Variants in STK32A observed in about 807,000 individuals in gnomAD.
The protein encoded by STK32A is serine/threonine kinase 32A.
In STK32A, 41 loss-of-function variants were observed where a neutral mutation model predicts 53.2. The ratio of observed to expected loss-of-function variants is 0.77; its 90% CI spans 0.60 to 1.00. The LOEUF is 1.00. STK32A is among the 50% of genes least tolerant of loss of function. The pLI, the probability that STK32A is intolerant of heterozygous loss-of-function variation, is 0.00. For synonymous variants in STK32A, 166 were observed against 162.8 expected (o/e 1.02, Z -0.15); for missense variants, 458 against 485.8 (o/e 0.94, Z 0.54).
chr5:147,372,269 C>CTTTTTTTTTTT lies in STK32A; in HGVS notation c.778-880_778-870dup, dbSNP rs71274369. ...GGGGCCCAAGAGGAATGGGCTTGGC[C>CTTTTTTTTTTT]TTTTTTTTTTTTTTTTTTTTTTTTT... On this transcript the variant is annotated intron_variant, in intron 9 of 12. Transcript: ENST00000397936. 2.0e-3 allele frequency among the ~76,000 whole-genome samples: 98 copies of CTTTTTTTTTTT among 49,352 alleles called. 15 individuals carry two copies. In the East Asian group the frequency reaches 0.041, roughly 21 times the overall value. 32.4% of individuals were successfully genotyped at this position (49,352 alleles called of 152,430 possible).
intron 4 of STK32A, among the ~76,000 whole-genome samples, chr5:147,292,868 A>G (rs1476903831): frequency 2.0e-5 from 3 of 152,208 alleles, no homozygotes; most frequent in Non-Finnish European, 2.9e-5. Flanking sequence ...TCTCAAAAAA[A>G]AAAAGAAAAA....
chr5:147,337,929 G>A lies in STK32A; in HGVS notation c.435-5077G>A, dbSNP rs149986761. 6.8e-4 allele frequency among the ~76,000 whole-genome samples: 104 copies of A among 152,274 alleles called. 1 individual carries two copies. The highest frequency in any genetic ancestry group is 2.5e-3 in the African/African-American group (102 of 41,550). On this transcript the variant is annotated intron_variant, in intron 5 of 12. Transcript: ENST00000397936. ...ATGAAAAGGAGATGATTAAGGAAGT[G>A]AGAATAAGGAAACTATTGGTGTGGG...
At position 147,383,480 on chromosome 5, in the gene STK32A, G is replaced by A; in HGVS notation, c.1072G>A (p.Glu358Lys). The change falls in exon 12 of 13, where the codon GAG (glutamate) becomes AAG (lysine). Residue 358 changes from glutamate to lysine, a missense_variant. Glu to Lys is a moderately conservative substitution (Grantham distance 56, BLOSUM62 1). Coordinates refer to ENST00000397936, the MANE Select transcript of STK32A (RefSeq NM_001112724.2). ...AGAGCACCTTGACTCTGTCCAGAAG[G>A]AGTTCATAATTTTCAACAGAGAAAA... is the stretch of plus-strand genomic sequence containing the variant. The part of the protein sequence containing the change: ...LQEHLDSVQK[E>K]FIIFNREKVN... 1 of 1,595,932 alleles carries A rather than the reference G, an allele frequency of 6.3e-7. No homozygotes were observed. The highest frequency in any genetic ancestry group is 8.5e-7 in the Non-Finnish European group (1 of 1,170,894).
At chr5:147,250,004 T>C (rs886496735) in intron 2 of STK32A, among the ~76,000 whole-genome samples, 1 of 150,618 alleles carries the variant, frequency 6.6e-6, no homozygotes, top group Non-Finnish European at 1.5e-5. Context: ...GACGGAAAGC[T>C]GAGAGTTTAT....
At chr5:147,374,336 G>A (rs1294097660) in intron 10 of STK32A, among the ~76,000 whole-genome samples, 2 of 151,950 alleles carry the variant, frequency 1.3e-5, no homozygotes, top group African/African-American at 4.8e-5. Flanking sequence ...TTTGCTGTGG[G>A]AATGTGAGAG....
intron 11 of STK32A, 33 bp downstream of exon 11, chr5:147,375,251 G>T: frequency 6.2e-7 from 1 of 1,602,568 alleles, no homozygotes. Flanking sequence ...CAGGGTCATG[G>T]GTATCCCCAT....
chr5:147,342,558 AC>A, intron 5 of STK32A: 1 of 158,832 alleles, frequency 6.3e-6, no homozygotes, highest in Non-Finnish European at 1.4e-5. Flanking sequence ...TACATTATCA[AC>A]CATATTTTTC....
the STK32A span, chr5:147,401,757 C>A: frequency 1.4e-3 from 2,207 of 1,592,004 alleles, 27 homozygotes; most frequent in African/African-American, 0.025. Context: ...CTGGGCCAAG[C>A]CTATTTAATT....
At chr5:147,255,928 G>A (rs1195488503) in intron 2 of STK32A, among the ~76,000 whole-genome samples, 6 of 152,136 alleles carry the variant, frequency 3.9e-5, no homozygotes, top group South Asian at 2.1e-4. Context: ...CTAAATAGAC[G>A]TGAGAGTTGA....
intron 2 of STK32A, among the ~76,000 whole-genome samples, chr5:147,261,247 A>T (rs1754557676): frequency 6.6e-6 from 1 of 152,110 alleles, no homozygotes; most frequent in Admixed American, 6.5e-5. Context: ...CGAATATAAA[A>T]TTTTCTTTTT....
intron 2 of STK32A, among the ~76,000 whole-genome samples, chr5:147,248,080 C>T (rs529683766): frequency 3.2e-4 from 46 of 144,492 alleles, no homozygotes; most frequent in African/African-American, 1.2e-3. Flanking sequence ...CAGATTGCAC[C>T]ATTGCACTCC....
chr5:147,390,005 T>A (rs956908848), downstream of STK32A, among the ~76,000 whole-genome samples: 2 of 152,262 alleles, frequency 1.3e-5, no homozygotes, highest in African/African-American at 4.8e-5. Context: ...TCTGCCTGAC[T>A]GAACTTTATA....
At chr5:147,349,909 T>C (rs1755877709) in intron 6 of STK32A, among the ~76,000 whole-genome samples, 1 of 151,890 alleles carries the variant, frequency 6.6e-6, no homozygotes, top group African/African-American at 2.4e-5. Context: ...CAAGAGATCG[T>C]AGAACACCCT....
intron 2 of STK32A, among the ~76,000 whole-genome samples, chr5:147,268,798 G>A (rs1754914077): frequency 6.6e-6 from 1 of 151,228 alleles, no homozygotes; most frequent in Admixed American, 6.6e-5. Context: ...GAGATGATGA[G>A]TGACAGATAC....
chr5:147,254,603 GTTC>G (rs1314642650), intron 2 of STK32A, among the ~76,000 whole-genome samples: 11 of 152,160 alleles, frequency 7.2e-5, no homozygotes, highest in South Asian at 4.1e-4. Flanking sequence ...AGGAGAAGGG[GTTC>G]TTATCCCCCA....
intron 4 of STK32A, among the ~76,000 whole-genome samples, chr5:147,310,682 C>T (rs1753649300): frequency 1.3e-5 from 2 of 152,160 alleles, no homozygotes; most frequent in Admixed American, 6.5e-5. Flanking sequence ...TTTTTCTTTC[C>T]TGGATGCTTG....
chr5:147,400,970 T>C, the STK32A span: 3 of 1,165,080 alleles, frequency 2.6e-6, no homozygotes, highest in African/African-American at 3.1e-5. Context: ...TCTTACTAGA[T>C]ATATGAGCTT....
intron 4 of STK32A, among the ~76,000 whole-genome samples, chr5:147,296,788 G>A (rs1288765812): frequency 6.6e-6 from 1 of 152,116 alleles, no homozygotes. Flanking sequence ...TTCCTTGGTG[G>A]AGGTTGGGGG....
intron 2 of STK32A, among the ~76,000 whole-genome samples, chr5:147,243,620 A>T (rs946554558): frequency 3.3e-5 from 5 of 152,200 alleles, no homozygotes; most frequent in Middle Eastern, 3.4e-3. Flanking sequence ...GTGCGCCTGT[A>T]GTCCCAGCTA....
Sources: gnomAD v4.1 joint callset for allele counts (sites outside exome capture counted in the v4.1 genomes callset) on GRCh38, gnomAD v4.1.1 for gene constraint, MANE v1.5 for transcripts, NCBI Gene and HGNC (gene_info 2026-07-23, HGNC 2026-07-21) for gene names.